Variants in GRIP1 observed in about 807,000 individuals in gnomAD.
GRIP1 encodes the protein glutamate receptor interacting protein 1, also known as glutamate receptor-interacting protein 1.
GRIP1 carries 45 observed loss-of-function variants against 129.9 expected under a neutral mutation model. The observed-to-expected ratio is 0.35, with a 90% CI of 0.27 to 0.44. The LOEUF is 0.44. Among genes scored for constraint, GRIP1 ranks in the 20% least tolerant of loss-of-function variants. GRIP1 has a pLI of 1.00. For missense variants in GRIP1, 1,196 were observed against 1,396.8 expected, an observed-to-expected ratio of 0.86 and a Z score of 2.29; for synonymous variants, 530 against 520.8, an observed-to-expected ratio of 1.02 and a Z score of -0.24.
intron 1 of GRIP1, among the ~76,000 whole-genome samples, chr12:66,964,482 T>C (rs1398985951): frequency 6.6e-6 from 1 of 152,022 alleles, no homozygotes; most frequent in Non-Finnish European, 1.5e-5. Flanking sequence ...TTGAGCTACT[T>C]TTACTTTCCC....
rs535699240 is a variant in GRIP1, at chr12:66,973,919, C to CTT, written c.58+95129_58+95130dup. 8.2e-3 allele frequency among the ~76,000 whole-genome samples: 997 copies of CTT among 121,314 alleles called. 26 individuals are homozygous for CTT. The highest frequency in any genetic ancestry group is 0.016 in the African/African-American group (536 of 32,826). 79.6% of individuals were successfully genotyped at this position (121,314 alleles called of 152,430 possible). A position where few individuals can be genotyped will look rare whatever the true frequency, so the allele number is the denominator to read the frequency against. On this transcript the variant is annotated intron_variant, in intron 1 of 1. Coordinates refer to the GRIP1 transcript ENST00000643019. ...AGTTAGAAGGCTTTTCTTTTCTTTT[C>CTT]TTTTTTTTTTTTTTTTTTGAGTCAG...
intron 1 of GRIP1, among the ~76,000 whole-genome samples, chr12:66,597,757 AT>A (rs563673543): frequency 8.6e-5 from 13 of 151,400 alleles, no homozygotes; most frequent in East Asian, 1.9e-4. Flanking sequence ...AAGTAAGGTG[AT>A]TTTTTTTTAA....
intron 24 of GRIP1, among the ~76,000 whole-genome samples, chr12:66,352,498 C>T (rs537374442): frequency 2.0e-5 from 3 of 152,196 alleles, no homozygotes; most frequent in African/African-American, 7.2e-5. Context: ...TTTGGGAGGC[C>T]GAGGTGGGTG....
chr12:66,471,520 G>A (rs1039814592), intron 7 of GRIP1, among the ~76,000 whole-genome samples: 15 of 152,172 alleles, frequency 9.9e-5, no homozygotes, highest in Non-Finnish European at 1.8e-4. Flanking sequence ...TCTTTAAAAT[G>A]ATTAATTGTA....
intron 1 of GRIP1, among the ~76,000 whole-genome samples, chr12:67,047,703 T>C (rs2043276021): frequency 6.6e-6 from 1 of 152,218 alleles, no homozygotes; most frequent in South Asian, 2.1e-4. Context: ...TTGCTTTCAA[T>C]TTTTCACAAT....
Position 66,851,988 on chromosome 12 carries a change from T to G in GRIP1, c.58+217062A>C, listed in dbSNP as rs893367129. Among the ~76,000 whole-genome samples, 5 of 152,074 alleles carry G rather than the reference T, an allele frequency of 3.3e-5. No homozygotes were observed. The South Asian group carries it at 1.0e-3, about 32-fold the overall frequency. On this transcript the variant is annotated intron_variant, in intron 1 of 1. Transcript: ENST00000643019. The stretch of plus-strand genomic sequence containing the variant: ...AGATTTTGGCACAATTAATATTCCT[T>G]TTCCTCATCACATCATCATCCATTA...
chr12:66,820,565 T>G (rs945543408), intron 1 of GRIP1, among the ~76,000 whole-genome samples: 2 of 152,162 alleles, frequency 1.3e-5, no homozygotes, highest in African/African-American at 4.8e-5. Context: ...GATGTTTATG[T>G]CAGCTTTGTT....
chr12:66,539,335 A>C (rs1339180916), intron 3 of GRIP1, 112 bp from the exon 4 acceptor site: 3 of 1,407,994 alleles, frequency 2.1e-6, no homozygotes, highest in Middle Eastern at 3.5e-4. Context: ...CAAGCCTAGA[A>C]GGCTGACAGC....
chr12:66,421,658 T>C (rs1156413669), intron 14 of GRIP1, among the ~76,000 whole-genome samples: 1 of 87,692 alleles, frequency 1.1e-5, no homozygotes, highest in African/African-American at 3.6e-5. Context: ...GCTCTTGGAA[T>C]GTGACTTTTT....
intron 1 of GRIP1, among the ~76,000 whole-genome samples, chr12:66,984,333 A>G (rs1300108466): frequency 6.6e-6 from 1 of 152,218 alleles, no homozygotes; most frequent in Non-Finnish European, 1.5e-5. Flanking sequence ...CATGCTGTAC[A>G]GCCTGTCCAA....
At chr12:66,777,153 A>C (rs2136761095) in intron 1 of GRIP1, among the ~76,000 whole-genome samples, 1 of 152,284 alleles carries the variant, frequency 6.6e-6, no homozygotes, top group South Asian at 2.1e-4. Context: ...CAGTGGTGAC[A>C]GGAGCCTTGA....
At chr12:67,019,835 C>T (rs368143048) in intron 1 of GRIP1, among the ~76,000 whole-genome samples, 1 of 152,092 alleles carries the variant, frequency 6.6e-6, no homozygotes, top group East Asian at 1.9e-4. Context: ...CAGGCACATA[C>T]ACACACGAAA....
chr12:67,066,888 T>TTTTATATATATATATATATATATA (rs59891449), intron 1 of GRIP1, among the ~76,000 whole-genome samples: 42 of 125,628 alleles, frequency 3.3e-4, no homozygotes, highest in Admixed American at 8.5e-4. Flanking sequence ...AAATATATAT[T>TTTTATATATATATATATATATATA]TATATATATA....
At chr12:66,414,858 T>C (rs879135493) in intron 15 of GRIP1, among the ~76,000 whole-genome samples, 2 of 151,572 alleles carry the variant, frequency 1.3e-5, no homozygotes, top group Non-Finnish European at 1.5e-5. Flanking sequence ...GGATTCCCAA[T>C]TTAATACATG....
At chr12:66,818,643 G>A (rs987341272) in intron 1 of GRIP1, among the ~76,000 whole-genome samples, 1 of 152,144 alleles carries the variant, frequency 6.6e-6, no homozygotes, top group Non-Finnish European at 1.5e-5. Context: ...TGTTAACACA[G>A]AATATTAAAA....
At chr12:66,531,247 A>C (rs2061438302) in intron 4 of GRIP1, among the ~76,000 whole-genome samples, 1 of 60,776 alleles carries the variant, frequency 1.6e-5, no homozygotes. Flanking sequence ...AAAAAAAAAA[A>C]AAAAAATATA....
chr12:66,466,598 TTAAC>T (rs1324533357), intron 7 of GRIP1, among the ~76,000 whole-genome samples: 1 of 39,624 alleles, frequency 2.5e-5, no homozygotes, highest in African/African-American at 1.1e-4. Flanking sequence ...AAATTGACAA[TTAAC>T]AATACTAAAA....
intron 5 of GRIP1, among the ~76,000 whole-genome samples, chr12:66,521,943 G>A (rs554210292): frequency 3.9e-5 from 6 of 152,358 alleles, no homozygotes; most frequent in East Asian, 3.9e-4. Context: ...AGGCGGCAGT[G>A]AGGCTGGGGG....
chr12:66,730,932 T>G (rs2036417567), intron 1 of GRIP1, among the ~76,000 whole-genome samples: 1 of 152,172 alleles, frequency 6.6e-6, no homozygotes. Context: ...TCTGTATTCT[T>G]GGGAAGAAAA....
Sources: gnomAD v4.1 joint callset for allele counts (sites outside exome capture counted in the v4.1 genomes callset) on GRCh38, gnomAD v4.1.1 for gene constraint, MANE v1.5 for transcripts, NCBI Gene and HGNC (gene_info 2026-07-23, HGNC 2026-07-21) for gene names.